METAP1: variants seen among roughly 807,000 people sequenced by gnomAD.
The protein encoded by METAP1 is methionine aminopeptidase 1.
METAP1 carries 28 observed loss-of-function variants against 53.8 expected under a neutral mutation model. The ratio of observed to expected loss-of-function variants is 0.52; its 90% confidence interval spans 0.39 to 0.71. The LOEUF is 0.71. METAP1 is among the 30% of genes least tolerant of loss of function. The pLI, the probability that METAP1 is intolerant of heterozygous loss-of-function variation, is 0.00. For synonymous variants in METAP1, 181 were observed against 165.7 expected, an observed-to-expected ratio of 1.09 and a Z score of -0.71; for missense variants, 389 against 479.8, an observed-to-expected ratio of 0.81 and a Z score of 1.77.
At chr4:99,023,414 A>C (rs774231925) in intron 1 of METAP1, 101 of 885,924 alleles carry the variant, frequency 1.1e-4, no homozygotes, top group Non-Finnish European at 1.3e-4. Flanking sequence ...GTAAGTATTT[A>C]TATATATGTT....
intron 1 of METAP1, chr4:98,997,436 A>AAAG (rs1440353840): frequency 6.5e-6 from 1 of 154,450 alleles, no homozygotes; most frequent in African/African-American, 2.4e-5. Context: ...TACTCATGTT[A>AAAG]GACCTAGTAC....
intron 8 of METAP1, among the ~76,000 whole-genome samples, chr4:99,046,953 A>G (rs77817408): frequency 0.018 from 2,733 of 149,052 alleles, 16 homozygotes; most frequent in Non-Finnish European, 0.031. Flanking sequence ...AAAAAAAAAA[A>G]AAAAAGAAAA....
At chr4:99,004,889 A>G (rs998286965) in intron 1 of METAP1, among the ~76,000 whole-genome samples, 5 of 152,128 alleles carry the variant, frequency 3.3e-5, no homozygotes, top group East Asian at 1.9e-4. Context: ...TGATATTCCA[A>G]TAAATTAATA....
At chr4:99,035,070 A>G (rs1370235633) in intron 3 of METAP1, among the ~76,000 whole-genome samples, 1 of 152,210 alleles carries the variant, frequency 6.6e-6, no homozygotes, top group Non-Finnish European at 1.5e-5. Context: ...GATAATGACT[A>G]GGAACATGTT....
At position 99,047,452 on chromosome 4, in the gene METAP1, C is replaced by G. The variant is rs1386202832; in HGVS notation, c.788-1281C>G. Among the ~76,000 whole-genome samples the G allele has an allele frequency of 2.6e-5, 4 of 152,100 alleles. No homozygotes were observed. In the East Asian group the frequency reaches 7.7e-4, roughly 29 times the overall value. ...CATGGATTACAATATTGTTCCCCCT[C>G]CCACCCCAGGCTGATAGGAAGGCCT... On this transcript the variant is annotated intron_variant, in intron 8 of 10. Transcript: ENST00000296411.
intron 2 of METAP1, chr4:99,031,589 G>T: frequency 7.8e-7 from 1 of 1,286,526 alleles, no homozygotes. Context: ...CCTCCAAGAT[G>T]CTGGAATCAT....
intron 1 of METAP1, among the ~76,000 whole-genome samples, chr4:99,019,490 C>A (rs1210213095): frequency 6.6e-6 from 1 of 152,066 alleles, no homozygotes; most frequent in African/African-American, 2.4e-5. Flanking sequence ...TCTGGAGATC[C>A]TTTGTTTTAG....
At chr4:99,022,719 G>C (rs979930067) in intron 1 of METAP1, 2 of 1,535,842 alleles carry the variant, frequency 1.3e-6, no homozygotes, top group African/African-American at 1.4e-5. Context: ...AGGTCATAAT[G>C]GGAGGGGCTG....
intron 8 of METAP1, among the ~76,000 whole-genome samples, chr4:99,048,029 T>G (rs1726396235): frequency 6.6e-6 from 1 of 152,234 alleles, no homozygotes; most frequent in African/African-American, 2.4e-5. Flanking sequence ...AATTCGTTAC[T>G]TTTTGGACGT....
Position 99,011,244 on chromosome 4 carries a change from G to T in METAP1, c.114+15377G>T, listed in dbSNP as rs143969782. ...CATCTTTATCTTGTTCCTGGACTCAGATGAAAAGCTTTCTGTCTTTCACCA... is the reference window on the plus strand; with the variant it reads ...CATCTTTATCTTGTTCCTGGACTCATATGAAAAGCTTTCTGTCTTTCACCA... On this transcript the variant is annotated intron_variant, in intron 1 of 10. Transcript: ENST00000296411. 7.2e-5 allele frequency among the ~76,000 whole-genome samples: 11 copies of T among 152,284 alleles called. No individual in the cohort carries two copies. The East Asian group carries it at 2.1e-3, about 29-fold the overall frequency.
intron 1 of METAP1, chr4:99,022,997 C>T: frequency 6.8e-7 from 1 of 1,468,056 alleles, no homozygotes; most frequent in Admixed American, 2.0e-5. Flanking sequence ...TACACAATAC[C>T]TGGCACTACC....
intron 7 of METAP1, 55 bp from the exon 8 acceptor site, chr4:99,045,124 T>A: frequency 1.3e-6 from 2 of 1,559,950 alleles, no homozygotes; most frequent in Non-Finnish European, 8.7e-7. Context: ...GGAAAAACAC[T>A]TGAATTTTGA....
At chr4:99,025,565 C>A in intron 1 of METAP1, 1 of 798,856 alleles carries the variant, frequency 1.3e-6, no homozygotes, top group Non-Finnish European at 1.5e-6. Context: ...AATGAGGAGC[C>A]AGAGCTGAGA....
chr4:99,050,207 A>G (rs1448813201), intron 9 of METAP1, among the ~76,000 whole-genome samples: 1 of 152,206 alleles, frequency 6.6e-6, no homozygotes, highest in Non-Finnish European at 1.5e-5. Context: ...CAGAGAAAAT[A>G]TAAGGTTGGC....
In METAP1 at chr4:98,999,970, G is replaced by GT. The variant is rs1365389789; in HGVS notation, c.114+4104dup. On this transcript the variant is annotated intron_variant, in intron 1 of 10. Transcript: ENST00000296411. ...TTATGTATGTCTTTTTCATTTGTGT[G>GT]TAAGAATTTTTTGAGGACAGAGGGT... Among the ~76,000 whole-genome samples, 11 of 152,224 alleles carry GT rather than the reference G, an allele frequency of 7.2e-5. 1 individual carries two copies. In the South Asian group the frequency reaches 2.3e-3, roughly 32 times the overall value.
intron 1 of METAP1, chr4:99,026,261 T>C (rs1724550522): frequency 1.0e-6 from 1 of 985,150 alleles, no homozygotes; most frequent in South Asian, 4.7e-5. Flanking sequence ...TGTCTTGGAT[T>C]GAAAACTAAA....
intron 8 of METAP1, among the ~76,000 whole-genome samples, chr4:99,046,936 C>CAAAAAAAAAAAAAAAA (rs56702946): frequency 2.3e-4 from 19 of 82,178 alleles, no homozygotes; most frequent in South Asian, 5.2e-4. Flanking sequence ...ACTGAAGAAA[C>CAAAAAAAAAAAAAAAA]AAAAAAAAAA....
At chr4:99,000,400 G>A (rs1202436490) in intron 1 of METAP1, among the ~76,000 whole-genome samples, 1 of 152,182 alleles carries the variant, frequency 6.6e-6, no homozygotes, top group African/African-American at 2.4e-5. Context: ...TTTGCTTAAT[G>A]AAGCATCCTC....
chr4:99,022,845 T>C, intron 1 of METAP1: 1 of 1,567,856 alleles, frequency 6.4e-7, no homozygotes, highest in South Asian at 1.1e-5. Context: ...TACTGCTTTT[T>C]TCCCTCCCAC....
Sources: allele counts gnomAD v4.1 joint callset (sites outside exome capture counted in the v4.1 genomes callset), GRCh38; gene constraint gnomAD v4.1.1; transcripts MANE v1.5; gene names NCBI Gene and HGNC (gene_info 2026-07-23, HGNC 2026-07-21).